ZSCAN25: variants seen among roughly 807,000 people sequenced by gnomAD.
ZSCAN25 encodes the protein zinc finger and SCAN domain-containing protein 25.
A neutral mutation model predicts 38.7 loss-of-function variants in ZSCAN25; 27 were observed. The ratio of observed to expected loss-of-function variants is 0.70; its 90% CI spans 0.51 to 0.96. ZSCAN25 has a LOEUF of 0.96. ZSCAN25 is among the 40% of genes least tolerant of loss of function. The pLI is 0.00. For synonymous variants in ZSCAN25, 273 were observed against 277.7 expected (o/e 0.98, Z 0.17); for missense variants, 637 against 705.9 (o/e 0.90, Z 1.11).
At chr7:99,728,390 A>G in the ZSCAN25 span, among the ~76,000 whole-genome samples, 1 of 152,150 alleles carries the variant, frequency 6.6e-6, no homozygotes, top group Non-Finnish European at 1.5e-5. Context: ...ATGAATAGCA[A>G]TGAAAGTTTG....
At chr7:99,679,615 C>A in the ZSCAN25 span, among the ~76,000 whole-genome samples, 1 of 152,124 alleles carries the variant, frequency 6.6e-6, no homozygotes, top group African/African-American at 2.4e-5. Context: ...TCCTAGTCAC[C>A]AAAATTAGAA....
chr7:99,638,254 T>C, the ZSCAN25 span: 1 of 1,582,276 alleles, frequency 6.3e-7, no homozygotes, highest in Non-Finnish European at 8.6e-7. Context: ...GATTTGTAGT[T>C]AGAGGTTAAC....
chr7:99,674,610 T>G, the ZSCAN25 span: 1 of 1,599,002 alleles, frequency 6.3e-7, no homozygotes. Flanking sequence ...AAAATACAAG[T>G]TGATTATTAT....
At chr7:99,733,643 C>G in the ZSCAN25 span, among the ~76,000 whole-genome samples, 1 of 152,242 alleles carries the variant, frequency 6.6e-6, no homozygotes, top group African/African-American at 2.4e-5. Flanking sequence ...GTCCAGGCTT[C>G]AAGCAGATGA....
chr7:99,735,931 C>G, the ZSCAN25 span, among the ~76,000 whole-genome samples: 1 of 152,188 alleles, frequency 6.6e-6, no homozygotes, highest in Non-Finnish European at 1.5e-5. Flanking sequence ...CTGGTGACCA[C>G]TCCATCTTCT....
chr7:99,731,099 G>T, the ZSCAN25 span: 1 of 1,613,892 alleles, frequency 6.2e-7, no homozygotes, highest in Admixed American at 1.7e-5. Flanking sequence ...AGGCAGAGGT[G>T]TGGGCCCTGG....
At chr7:99,677,680 C>T in the ZSCAN25 span, among the ~76,000 whole-genome samples, 2 of 152,224 alleles carry the variant, frequency 1.3e-5, no homozygotes, top group African/African-American at 2.4e-5. Flanking sequence ...CCCAGTCATA[C>T]ATTTGGTTCC....
the ZSCAN25 span, chr7:99,679,703 C>G: frequency 3.4e-6 from 3 of 876,216 alleles, no homozygotes; most frequent in Non-Finnish European, 5.7e-6. Flanking sequence ...TTTGTAGCGT[C>G]CAACACTTCA....
the ZSCAN25 span, among the ~76,000 whole-genome samples, chr7:99,684,233 G>A: frequency 6.7e-6 from 1 of 148,438 alleles, no homozygotes; most frequent in Non-Finnish European, 1.5e-5. Context: ...GTAATGGTGC[G>A]TCTCGGCTCA....
downstream of ZSCAN25, among the ~76,000 whole-genome samples, chr7:99,636,130 T>C (rs1261638041): frequency 1.3e-5 from 2 of 152,118 alleles, no homozygotes; most frequent in African/African-American, 4.8e-5. Flanking sequence ...TTGTGCTTGT[T>C]TTGTTTCAGG....
In ZSCAN25 at chr7:99,630,851, TA is replaced by T. The variant is rs1012021647; in HGVS notation, c.*837del. ...TCACTGAATAAACATCAGAGTATTTTAAAAAACAGTTCTCTAGAAAGAACTG... is the reference window on the plus strand; with the variant it reads ...TCACTGAATAAACATCAGAGTATTTTAAAAACAGTTCTCTAGAAAGAACTG... On this transcript the variant is annotated 3_prime_UTR_variant, in exon 8 of 8. Coordinates refer to ENST00000394152, the MANE Select transcript of ZSCAN25 (RefSeq NM_145115.3). 5.8e-5 allele frequency: 57 copies of T among 984,880 alleles called. No individual in the cohort carries two copies. The highest frequency in any genetic ancestry group is 6.6e-5 in the Non-Finnish European group (55 of 829,524). The allele number at this position is 984,880 out of a possible 1,614,324, so 61.0% of individuals were successfully genotyped here.
chr7:99,736,942 G>A, the ZSCAN25 span, among the ~76,000 whole-genome samples: 2 of 152,172 alleles, frequency 1.3e-5, no homozygotes, highest in African/African-American at 2.4e-5. Context: ...TTGGATGGAG[G>A]TATGCATGTG....
the ZSCAN25 span, among the ~76,000 whole-genome samples, chr7:99,719,877 G>T: frequency 6.6e-6 from 1 of 152,130 alleles, no homozygotes; most frequent in African/African-American, 2.4e-5. Context: ...GCAACTTGTA[G>T]TCCCAGCTAC....
At chr7:99,687,071 G>GA in the ZSCAN25 span, among the ~76,000 whole-genome samples, 8,798 of 152,184 alleles carry the variant, frequency 0.058, 531 homozygotes, top group East Asian at 0.25. Context: ...CAAAGATGGG[G>GA]AAAAAACAGA....
the ZSCAN25 span, among the ~76,000 whole-genome samples, chr7:99,700,977 G>C: frequency 5.3e-4 from 81 of 152,210 alleles, no homozygotes; most frequent in Admixed American, 5.3e-3. Context: ...TACATGAAGA[G>C]ACTTACCTGT....
chr7:99,641,971 G>T, the ZSCAN25 span, among the ~76,000 whole-genome samples: 1 of 152,124 alleles, frequency 6.6e-6, no homozygotes, highest in African/African-American at 2.4e-5. Context: ...CTTTCCAAAG[G>T]TTTCTCCTCT....
rs887467596 is a variant in ZSCAN25, at chr7:99,630,755, C to T, written c.*735C>T. ...TCTATCCTCATCTGTAAAACTTCCC[C>T]GTCCATTATTCCTTGCACTATAACA... is the stretch of plus-strand genomic sequence containing the variant. On this transcript the variant is annotated 3_prime_UTR_variant, in exon 8 of 8. Coordinates refer to ENST00000394152, the MANE Select transcript of ZSCAN25 (RefSeq NM_145115.3). The T allele has an allele frequency of 2.5e-5, 25 of 985,282 alleles. No homozygotes were observed. The highest frequency in any genetic ancestry group is 1.8e-4 in the Admixed American group (3 of 16,256). 61.0% of individuals were successfully genotyped at this position (985,282 alleles called of 1,614,324 possible).
At chr7:99,695,756 G>T in the ZSCAN25 span, 4 of 1,613,472 alleles carry the variant, frequency 2.5e-6, no homozygotes, top group Non-Finnish European at 2.5e-6. Context: ...CTGATGGTAG[G>T]ACAAAGTAGT....
Position 99,622,583 on chromosome 7 carries a change from C to G in ZSCAN25, c.624C>G (p.Pro208=), listed in dbSNP as rs765554490. ...LPVLQAGPGL[P]AVNPRDQEMA... ...TTCTGCAGGCGGGTCCTGGCCTCCC[C>G]GCAGTGAATCCCAGAGACCAAGAGA... The change falls in exon 6 of 8, where the codon CCC becomes CCG. Residue 208 remains proline (P), a synonymous_variant. Coordinates refer to ENST00000394152, the MANE Select transcript of ZSCAN25 (RefSeq NM_145115.3). The G allele has an allele frequency of 1.9e-6, 3 of 1,614,182 alleles. No individual in the cohort carries two copies. The highest frequency in any genetic ancestry group is 2.2e-5 in the East Asian group (1 of 44,886).
Sources: gnomAD v4.1 joint callset for allele counts (sites outside exome capture counted in the v4.1 genomes callset) on GRCh38, gnomAD v4.1.1 for gene constraint, MANE v1.5 for transcripts, NCBI Gene and HGNC (gene_info 2026-07-23, HGNC 2026-07-21) for gene names.